TUBA4B: variants seen among roughly 807,000 people sequenced by gnomAD.
TUBA4B encodes tubulin-like protein alpha-4B.
Under a neutral mutation model 18.4 loss-of-function variants are expected in TUBA4B, and 13 were observed. The observed-to-expected ratio is 0.71, with a 90% confidence interval of 0.46 to 1.12. TUBA4B has a LOEUF of 1.12. Ranked by LOEUF, TUBA4B falls within the 50% of genes most tolerant of loss-of-function variation. The probability of loss-of-function intolerance (pLI) is 0.00; values close to 1 mark genes in which losing one functional copy is unlikely to be tolerated. For synonymous variants in TUBA4B, 101 were observed against 99.1 expected, an observed-to-expected ratio of 1.02 and a Z score of -0.11; for missense variants, 244 against 250.0, an observed-to-expected ratio of 0.98 and a Z score of 0.16.
chr2:219,253,920 C>A (rs2125071902), intron 1 of TUBA4B: 1 of 1,346,406 alleles, frequency 7.4e-7, no homozygotes, highest in Non-Finnish European at 9.7e-7. Flanking sequence ...GAGAACTGCG[C>A]TAGCTGCAGT....
chr2:219,253,861 T>G (rs200615683), intron 1 of TUBA4B: 79 of 1,479,192 alleles, frequency 5.3e-5, no homozygotes, highest in Non-Finnish European at 4.5e-6. Context: ...CTCACCATGG[T>G]GAGTCCGGGC....
At chr2:219,256,917 T>C (rs1365668993) in intron 1 of TUBA4B, among the ~76,000 whole-genome samples, 2 of 151,828 alleles carry the variant, frequency 1.3e-5, no homozygotes, top group Non-Finnish European at 2.9e-5. Context: ...ATAGGGGCCA[T>C]GAGTAAAAGA....
At position 219,257,466 on chromosome 2, in the gene TUBA4B, C is replaced by T. The variant is rs560526205; in HGVS notation, c.12+4047C>T. 4.8e-4 allele frequency among the ~76,000 whole-genome samples: 70 copies of T among 147,340 alleles called. 1 individual carries two copies. Among genetic ancestry groups the T allele is most frequent in the African/African-American group, 1.7e-3 (69 of 40,134 alleles). On this transcript the variant is annotated intron_variant, in intron 1 of 3. Coordinates refer to ENST00000490341, the MANE Select transcript of TUBA4B (RefSeq NM_001355221.1). ...GACCAGCCTGACCAACATAGTGAAACCCCGTCTCTACCAAAAATACAAAAA... is the reference window on the plus strand; with the variant it reads ...GACCAGCCTGACCAACATAGTGAAATCCCGTCTCTACCAAAAATACAAAAA...
chr2:219,267,276 C>A (rs1461900951), intron 2 of TUBA4B, among the ~76,000 whole-genome samples: 2 of 152,208 alleles, frequency 1.3e-5, no homozygotes, highest in Non-Finnish European at 2.9e-5. Flanking sequence ...TACTTGACTT[C>A]TCTGAGGGTC....
At chr2:219,253,763 C>T (rs1278567131) in intron 1 of TUBA4B, 37 of 1,457,422 alleles carry the variant, frequency 2.5e-5, no homozygotes, top group Admixed American at 4.5e-5. Context: ...CCGGAACGCC[C>T]GGTGGAGGTC....
chr2:219,255,325 G>T (rs1036062278), intron 1 of TUBA4B, among the ~76,000 whole-genome samples: 1 of 152,196 alleles, frequency 6.6e-6, no homozygotes, highest in Non-Finnish European at 1.5e-5. Flanking sequence ...CTCAACACCT[G>T]CCTCGCGGGT....
At chr2:219,257,748 C>T (rs972952635) in intron 1 of TUBA4B, among the ~76,000 whole-genome samples, 1 of 150,566 alleles carries the variant, frequency 6.6e-6, no homozygotes, top group African/African-American at 2.4e-5. Flanking sequence ...ACCAGGGAGG[C>T]AGAAGTTGTG....
At chr2:219,266,120 C>A in intron 1 of TUBA4B, 1 of 177,022 alleles carries the variant, frequency 5.6e-6, no homozygotes, top group Non-Finnish European at 1.2e-5. Context: ...ACTTACAGCC[C>A]TCAGCAACCC....
chr2:219,267,589 T>TG (rs1951798075), intron 2 of TUBA4B, among the ~76,000 whole-genome samples: 1 of 151,764 alleles, frequency 6.6e-6, no homozygotes, highest in African/African-American at 2.4e-5. Flanking sequence ...TTGTTTTTTT[T>TG]TTTTTGAGAC....
chr2:219,270,139 C>T (rs574566500), intron 2 of TUBA4B, 63 bp from the exon 3 acceptor site: 9 of 685,144 alleles, frequency 1.3e-5, no homozygotes, highest in African/African-American at 1.2e-4. Context: ...GGGGCTCCAG[C>T]AGCTGGATTG....
rs552299181 is a variant in TUBA4B, at chr2:219,272,017, G to T, written c.*318G>T. The T allele has an allele frequency of 3.3e-6, 5 of 1,499,020 alleles. No homozygotes were observed. Among genetic ancestry groups the T allele is most frequent in the Non-Finnish European group, 4.6e-6 (5 of 1,076,532 alleles). The allele number at this position is 1,499,020 out of a possible 1,614,324, so 92.9% of individuals were successfully genotyped here. On this transcript the variant is annotated 3_prime_UTR_variant, in exon 4 of 4. Coordinates refer to ENST00000490341, the MANE Select transcript of TUBA4B (RefSeq NM_001355221.1). The stretch of plus-strand genomic sequence containing the variant: ...AGGGCGTTTGGGCACTGATATGTGG[G>T]TGAGGGCATGGAGGAGGGTGAGTTC...
rs1239581206 is a variant in TUBA4B, at chr2:219,272,057, G to A, written c.*358G>A. ...AGGGTGAGTTCTCCAAGGCCCATGA[G>A]GATATGACTGCCCTGGAGAAGGATT... is the stretch of plus-strand genomic sequence containing the variant. On this transcript the variant is annotated 3_prime_UTR_variant, in exon 4 of 4. Transcript: ENST00000490341. The A allele has an allele frequency of 7.4e-7, 1 of 1,344,060 alleles. No homozygotes were observed. The highest frequency in any genetic ancestry group is 1.1e-6 in the Non-Finnish European group (1 of 938,532). The allele number at this position is 1,344,060 out of a possible 1,614,324, so 83.3% of individuals were successfully genotyped here. A position where few individuals can be genotyped will look rare whatever the true frequency, so the allele number is the denominator to read the frequency against.
At chr2:219,269,449 C>T (rs1951811809) in intron 2 of TUBA4B, among the ~76,000 whole-genome samples, 1 of 152,204 alleles carries the variant, frequency 6.6e-6, no homozygotes, top group African/African-American at 2.4e-5. Context: ...CAGCCGATGC[C>T]TGTTGCTCCT....
At chr2:219,255,756 C>G (rs1951714713) in intron 1 of TUBA4B, among the ~76,000 whole-genome samples, 1 of 152,170 alleles carries the variant, frequency 6.6e-6, no homozygotes, top group African/African-American at 2.4e-5. Flanking sequence ...TCTTAAGAAA[C>G]CTGTCTTCCT....
At chr2:219,258,458 C>T (rs969397179) in intron 1 of TUBA4B, among the ~76,000 whole-genome samples, 3 of 151,308 alleles carry the variant, frequency 2.0e-5, no homozygotes, top group Non-Finnish European at 2.9e-5. Flanking sequence ...GTAGTTGGGA[C>T]TACAGGTGTG....
intron 1 of TUBA4B, among the ~76,000 whole-genome samples, chr2:219,257,666 A>G (rs1951730405): frequency 8.0e-6 from 1 of 124,984 alleles, no homozygotes; most frequent in Non-Finnish European, 1.7e-5. Context: ...AAAAAAAAAA[A>G]GAGACAGGAA....
intron 1 of TUBA4B, chr2:219,266,212 G>A (rs1951788524): frequency 5.8e-6 from 2 of 343,594 alleles, no homozygotes; most frequent in South Asian, 1.1e-4. Flanking sequence ...TCTTCCACCT[G>A]TGAAGTGCAG....
Position 219,271,881 on chromosome 2 carries a change from T to A in TUBA4B, c.*182T>A, listed in dbSNP as rs2125078626. The A allele has an allele frequency of 6.8e-7, 1 of 1,466,640 alleles. No individual in the cohort carries two copies. Among genetic ancestry groups the A allele is most frequent in the Non-Finnish European group, 9.6e-7 (1 of 1,046,036 alleles). 90.9% of individuals were successfully genotyped at this position (1,466,640 alleles called of 1,614,324 possible). On this transcript the variant is annotated 3_prime_UTR_variant, in exon 4 of 4. Coordinates refer to ENST00000490341, the MANE Select transcript of TUBA4B (RefSeq NM_001355221.1). ...ATCACCAGCCTCCCACTGTGGTGCC[T>A]GGGAGTGACCTGGTAAAGTGCAACG...
At chr2:219,259,353 G>T (rs565381853) in intron 1 of TUBA4B, among the ~76,000 whole-genome samples, 1 of 150,440 alleles carries the variant, frequency 6.6e-6, no homozygotes, top group Admixed American at 6.6e-5. Context: ...AATGCCCAAG[G>T]CATGTTAGTG....
Sources: allele counts gnomAD v4.1 joint callset (sites outside exome capture counted in the v4.1 genomes callset), GRCh38; gene constraint gnomAD v4.1.1; transcripts MANE v1.5; gene names NCBI Gene and HGNC (gene_info 2026-07-23, HGNC 2026-07-21).